Variants in HS6ST2 observed in about 807,000 individuals in gnomAD.
HS6ST2 encodes heparan-sulfate 6-O-sulfotransferase 2.
A neutral mutation model predicts 33.0 loss-of-function variants in HS6ST2; 17 were observed. The observed-to-expected ratio is 0.52, with a 90% CI of 0.35 to 0.77. The LOEUF (loss-of-function observed/expected upper bound fraction) is 0.77. Among genes scored for constraint, HS6ST2 ranks in the 30% least tolerant of loss-of-function variants. The pLI is 0.01. For missense variants in HS6ST2, 519 were observed against 551.7 expected, an observed-to-expected ratio of 0.94 and a Z score of 0.59; for synonymous variants, 248 against 237.1, an observed-to-expected ratio of 1.05 and a Z score of -0.42.
intron 2 of HS6ST2, among the ~76,000 whole-genome samples, chrX:132,776,752 C>T (rs2064963666): frequency 9.0e-6 from 1 of 111,305 alleles, no homozygotes; most frequent in South Asian, 3.8e-4. Flanking sequence ...GTCAGTTAGT[C>T]ACTAGGCCAT....
At chrX:132,854,034 A>AAAAT (rs910318975) in intron 2 of HS6ST2, among the ~76,000 whole-genome samples, 10 of 110,575 alleles carry the variant, frequency 9.0e-5, no homozygotes, top group African/African-American at 9.9e-5. Flanking sequence ...ACCCTGTCTC[A>AAAAT]AAATAAATAA....
In HS6ST2 at chrX:132,951,405, C is replaced by T. The variant is rs2067014968; in HGVS notation, c.947+5403G>A. ...CAAAAGGTCATGAGGACTCCGTGCCCACCCACAATGCCTCCTTTCTTCTTA... is the reference window on the plus strand; with the variant it reads ...CAAAAGGTCATGAGGACTCCGTGCCTACCCACAATGCCTCCTTTCTTCTTA... On this transcript the variant is annotated intron_variant, in intron 2 of 4. Coordinates refer to ENST00000370833, the MANE Select transcript of HS6ST2 (RefSeq NM_001394073.1). Among the ~76,000 whole-genome samples, 3 of 111,018 alleles carry T rather than the reference C, an allele frequency of 2.7e-5. 1 individual carries two copies. Among genetic ancestry groups the T allele is most frequent in the Admixed American group, 1.9e-4 (2 of 10,425 alleles).
At chrX:132,758,303 C>T (rs890091831) in intron 2 of HS6ST2, 6 of 112,094 alleles carry the variant, frequency 5.4e-5, no homozygotes, top group East Asian at 5.6e-4. Context: ...TTTCAACAGG[C>T]ACCTCCTCGC....
At position 132,628,299 on chromosome X, in the gene HS6ST2, T is replaced by A; in HGVS notation, c.1862A>T (p.Asn621Ile). 1 of 1,167,907 alleles carries A rather than the reference T, an allele frequency of 8.6e-7. No individual in the cohort carries two copies. Among genetic ancestry groups the A allele is most frequent in the Non-Finnish European group, 1.1e-6 (1 of 872,984 alleles). The change falls in exon 5 of 5, where the codon AAC (asparagine) becomes ATC (isoleucine). Residue 621 changes from asparagine to isoleucine, a missense_variant. Coordinates refer to ENST00000370833, the MANE Select transcript of HS6ST2 (RefSeq NM_001394073.1). ...QKENRESPKQ[N>I]SGKEQNDNTS... ...GTTATCATTCTGCTCCTTGCCTGAGTTCTGCTTCGGGCTTTCCCGGTTCTC... is the reference window on the plus strand; with the variant it reads ...GTTATCATTCTGCTCCTTGCCTGAGATCTGCTTCGGGCTTTCCCGGTTCTC...
intron 4 of HS6ST2, among the ~76,000 whole-genome samples, chrX:132,666,103 G>C (rs1051555393): frequency 1.8e-5 from 2 of 112,190 alleles, no homozygotes; most frequent in African/African-American, 6.5e-5. Context: ...CCAAGACACA[G>C]AGGATTCTGC....
chrX:132,679,661 G>A (rs775803547), intron 3 of HS6ST2, among the ~76,000 whole-genome samples: 1 of 109,641 alleles, frequency 9.1e-6, no homozygotes, highest in East Asian at 2.9e-4. Flanking sequence ...TATTAGGTGG[G>A]AATTTCCTCT....
chrX:132,849,384 G>A (rs1437584892), intron 2 of HS6ST2, among the ~76,000 whole-genome samples: 2 of 111,351 alleles, frequency 1.8e-5, no homozygotes, highest in African/African-American at 6.5e-5. Context: ...AGGTTGCCAG[G>A]CAAACACAAT....
intron 2 of HS6ST2, among the ~76,000 whole-genome samples, chrX:132,806,639 C>A (rs1229393881): frequency 9.1e-6 from 1 of 110,066 alleles, no homozygotes; most frequent in Non-Finnish European, 1.9e-5. Flanking sequence ...AATGAGTGAG[C>A]ACAGTTGTGT....
intron 3 of HS6ST2, among the ~76,000 whole-genome samples, chrX:132,701,977 G>T (rs2064147455): frequency 1.8e-5 from 2 of 112,265 alleles, no homozygotes; most frequent in Admixed American, 9.4e-5. Flanking sequence ...TGCTGCTCTA[G>T]CTGGCAGAGG....
At chrX:132,711,298 G>C (rs2064229351) in intron 2 of HS6ST2, among the ~76,000 whole-genome samples, 1 of 111,236 alleles carries the variant, frequency 9.0e-6, no homozygotes, top group African/African-American at 3.3e-5. Flanking sequence ...ACATTCTCAG[G>C]GTGGGTGCTT....
intron 3 of HS6ST2, among the ~76,000 whole-genome samples, chrX:132,700,451 T>C (rs1437544144): frequency 1.8e-5 from 2 of 110,373 alleles, no homozygotes; most frequent in African/African-American, 6.6e-5. Context: ...AGGAAATCTT[T>C]CAGTTCCGAA....
intron 3 of HS6ST2, among the ~76,000 whole-genome samples, chrX:132,698,907 G>A (rs561782967): frequency 2.1e-4 from 23 of 111,930 alleles, no homozygotes; most frequent in African/African-American, 6.2e-4. Flanking sequence ...ATTAAGAATC[G>A]TGCTGAATTA....
At chrX:132,900,470 C>T (rs1431947954) in intron 2 of HS6ST2, among the ~76,000 whole-genome samples, 1 of 111,104 alleles carries the variant, frequency 9.0e-6, no homozygotes, top group African/African-American at 3.3e-5. Context: ...AATCCTAGCA[C>T]TTTTGGAGGC....
At chrX:132,753,985 A>G (rs2064733881) in intron 2 of HS6ST2, among the ~76,000 whole-genome samples, 1 of 112,439 alleles carries the variant, frequency 8.9e-6, no homozygotes, top group Non-Finnish European at 1.9e-5. Flanking sequence ...ACAATTAATG[A>G]GCTAATATCA....
chrX:132,848,163 C>T (rs1193673171), intron 2 of HS6ST2, among the ~76,000 whole-genome samples: 1 of 111,769 alleles, frequency 8.9e-6, no homozygotes, highest in Non-Finnish European at 1.9e-5. Context: ...ACCTAAAGCA[C>T]ATATGCTAAA....
chrX:132,932,089 G>A (rs1024044331), intron 2 of HS6ST2, among the ~76,000 whole-genome samples: 8 of 109,014 alleles, frequency 7.3e-5, no homozygotes, highest in African/African-American at 1.3e-4. Flanking sequence ...AGGAGGCTGA[G>A]GCAGGAGAAT....
intron 2 of HS6ST2, among the ~76,000 whole-genome samples, chrX:132,726,710 C>G (rs1014001379): frequency 2.7e-5 from 3 of 112,064 alleles, no homozygotes; most frequent in African/African-American, 9.7e-5. Context: ...TACTTTCCAT[C>G]TCAGTGGATT....
At chrX:132,668,686 C>T (rs2063830093) in intron 4 of HS6ST2, among the ~76,000 whole-genome samples, 1 of 111,806 alleles carries the variant, frequency 8.9e-6, no homozygotes, top group Non-Finnish European at 1.9e-5. Context: ...TATGGAAAAG[C>T]TTACCAGATT....
intron 1 of HS6ST2, among the ~76,000 whole-genome samples, chrX:132,957,614 G>A (rs1246713830): frequency 6.5e-5 from 7 of 108,421 alleles, no homozygotes; most frequent in African/African-American, 2.4e-4. Flanking sequence ...GAGCTCCCCG[G>A]AGCCCCTCCA....
Sources: allele counts gnomAD v4.1 joint callset (sites outside exome capture counted in the v4.1 genomes callset), GRCh38; gene constraint gnomAD v4.1.1; transcripts MANE v1.5; gene names NCBI Gene and HGNC (gene_info 2026-07-23, HGNC 2026-07-21).